Variants in NME7 observed in about 807,000 individuals in gnomAD.
NME7 encodes NME/NM23 family member 7.
Under a neutral mutation model 49.1 loss-of-function variants are expected in NME7, and 41 were observed. The observed-to-expected ratio is 0.83, with a 90% confidence interval of 0.65 to 1.08. The LOEUF (loss-of-function observed/expected upper bound fraction) is 1.08. Ranked by LOEUF, NME7 falls within the 50% of genes least tolerant of loss-of-function variation. The pLI, the probability that NME7 is intolerant of heterozygous loss-of-function variation, is 0.00. For synonymous variants in NME7, 139 were observed against 150.6 expected (o/e 0.92, Z 0.56); for missense variants, 423 against 463.4 (o/e 0.91, Z 0.80).
At chr1:169,152,499 C>T (rs1014223450) in intron 11 of NME7, among the ~76,000 whole-genome samples, 1 of 152,132 alleles carries the variant, frequency 6.6e-6, no homozygotes, top group African/African-American at 2.4e-5. Flanking sequence ...AAAGTGAGTG[C>T]TTTCTATGAT....
At chr1:169,176,622 T>C (rs1483902512) in intron 10 of NME7, among the ~76,000 whole-genome samples, 3 of 152,136 alleles carry the variant, frequency 2.0e-5, no homozygotes, top group Non-Finnish European at 4.4e-5. Flanking sequence ...AACTATTGCC[T>C]CTTACTGATC....
At chr1:169,168,257 G>A (rs746608659) in intron 11 of NME7, among the ~76,000 whole-genome samples, 5 of 152,140 alleles carry the variant, frequency 3.3e-5, no homozygotes, top group Non-Finnish European at 7.4e-5. Flanking sequence ...CTGCTCTAAA[G>A]CTTTTAAGTA....
chr1:169,344,256 T>C (rs1652879520), intron 1 of NME7, among the ~76,000 whole-genome samples: 1 of 152,232 alleles, frequency 6.6e-6, no homozygotes, highest in Non-Finnish European at 1.5e-5. Flanking sequence ...TTCTGCAACT[T>C]TGATGAACAC....
At chr1:169,182,105 A>G (rs1047112032) in intron 10 of NME7, among the ~76,000 whole-genome samples, 1 of 148,440 alleles carries the variant, frequency 6.7e-6, no homozygotes, top group African/African-American at 2.5e-5. Flanking sequence ...CCTGGGCTCA[A>G]GTGACCTTCC....
intron 1 of NME7, among the ~76,000 whole-genome samples, chr1:169,358,957 T>C (rs1477237798): frequency 6.6e-6 from 1 of 152,124 alleles, no homozygotes; most frequent in Admixed American, 6.6e-5. Context: ...TAAAAATGTG[T>C]TCGCAAAAAT....
intron 7 of NME7, chr1:169,286,064 T>G (rs902128645): frequency 6.6e-6 from 1 of 152,120 alleles, no homozygotes; most frequent in Non-Finnish European, 1.5e-5. Flanking sequence ...TATTAAAGAA[T>G]CTATTAAAAT....
intron 7 of NME7, among the ~76,000 whole-genome samples, chr1:169,238,411 T>C (rs184289928): frequency 5.3e-5 from 8 of 151,856 alleles, no homozygotes; most frequent in African/African-American, 2.4e-5. Flanking sequence ...TTGTTTCCTA[T>C]AAAAGTCTAA....
At chr1:169,176,652 C>T (rs1162813236) in intron 10 of NME7, among the ~76,000 whole-genome samples, 1 of 152,052 alleles carries the variant, frequency 6.6e-6, no homozygotes, top group Non-Finnish European at 1.5e-5. Context: ...TTTCAGCCAA[C>T]AATAGGAACT....
intron 4 of NME7, among the ~76,000 whole-genome samples, chr1:169,309,376 G>T (rs1651297372): frequency 6.6e-6 from 1 of 152,040 alleles, no homozygotes; most frequent in African/African-American, 2.4e-5. Flanking sequence ...GCAACCAAAT[G>T]ACATCAAAAA....
chr1:169,247,179 C>T (rs990838725), intron 7 of NME7: 23 of 427,440 alleles, frequency 5.4e-5, no homozygotes, highest in South Asian at 3.8e-4. Context: ...AAGTACGGTA[C>T]TGAGTAGATA....
chr1:169,315,737 A>G (rs1452000944), intron 3 of NME7, among the ~76,000 whole-genome samples: 1 of 152,192 alleles, frequency 6.6e-6, no homozygotes, highest in Non-Finnish European at 1.5e-5. Context: ...TATGTTTGGA[A>G]ATAAACATAA....
intron 1 of NME7, 104 bp from the exon 2 acceptor site, chr1:169,324,604 C>T (rs1651987042): frequency 3.0e-6 from 2 of 666,978 alleles, no homozygotes; most frequent in Non-Finnish European, 5.2e-6. Context: ...AACAAAATTA[C>T]TTCTACCTAT....
chr1:169,195,710 G>C (rs1248672895), intron 10 of NME7, among the ~76,000 whole-genome samples: 1 of 152,046 alleles, frequency 6.6e-6, no homozygotes, highest in Non-Finnish European at 1.5e-5. Flanking sequence ...AATACAGAAT[G>C]GACATTTAAT....
intron 11 of NME7, among the ~76,000 whole-genome samples, chr1:169,144,923 T>C (rs1301141313): frequency 2.0e-5 from 3 of 152,190 alleles, no homozygotes; most frequent in Non-Finnish European, 4.4e-5. Context: ...AAAATCATCA[T>C]GTAAACACTA....
chr1:169,279,914 C>T (rs1366901366), intron 7 of NME7, among the ~76,000 whole-genome samples: 4 of 152,184 alleles, frequency 2.6e-5, no homozygotes, highest in Admixed American at 6.5e-5. Context: ...AATAGTGCTG[C>T]GTTAACATAC....
chr1:169,367,618 GA>G, intron 1 of NME7, 89 bp downstream of exon 1: 1 of 1,477,254 alleles, frequency 6.8e-7, no homozygotes, highest in Non-Finnish European at 9.5e-7. Flanking sequence ...GGGAGGACCG[GA>G]CAACTTTAAG....
chr1:169,338,833 T>C (rs1213860111), intron 1 of NME7, among the ~76,000 whole-genome samples: 1 of 152,212 alleles, frequency 6.6e-6, no homozygotes, highest in Non-Finnish European at 1.5e-5. Context: ...ATAAGTTAAA[T>C]GACTTGGCAA....
chr1:169,270,771 T>C lies in NME7; in HGVS notation c.754+16532A>G, dbSNP rs1017867970. Among the ~76,000 whole-genome samples the C allele has an allele frequency of 3.0e-5, 4 of 132,910 alleles. 1 individual carries two copies. Among genetic ancestry groups the C allele is most frequent in the Admixed American group, 2.2e-4 (3 of 13,436 alleles). The allele number at this position is 132,910 out of a possible 152,430, so 87.2% of individuals were successfully genotyped here. A position where few individuals can be genotyped will look rare whatever the true frequency, so the allele number is the denominator to read the frequency against. ...TAATCCTTAGTTACCCCATGAAAAA[T>C]GTATAGAATTATTCTCATTTTAGAA... On this transcript the variant is annotated intron_variant, in intron 7 of 11. Coordinates refer to ENST00000367811, the MANE Select transcript of NME7 (RefSeq NM_013330.5).
intron 11 of NME7, 30 bp from the exon 12 acceptor site, chr1:169,132,847 T>G (rs1373630137): frequency 6.2e-7 from 1 of 1,610,702 alleles, no homozygotes; most frequent in East Asian, 2.2e-5. Context: ...AATTTCTTAG[T>G]TCAGACAAAT....
Sources: allele counts gnomAD v4.1 joint callset (sites outside exome capture counted in the v4.1 genomes callset), GRCh38; gene constraint gnomAD v4.1.1; transcripts MANE v1.5; gene names NCBI Gene and HGNC (gene_info 2026-07-23, HGNC 2026-07-21).